Variants in COL9A1 observed in about 807,000 individuals in gnomAD.
COL9A1 encodes collagen type IX alpha 1 chain.
In COL9A1, 104 loss-of-function variants were observed where a neutral mutation model predicts 142.6. The ratio of observed to expected loss-of-function variants is 0.73; its 90% CI spans 0.62 to 0.86. The LOEUF is 0.86. Ranked by LOEUF, COL9A1 falls within the 40% of genes least tolerant of loss-of-function variation. COL9A1 has a pLI of 0.00. For missense variants in COL9A1, 1,210 were observed against 1,176.6 expected, an observed-to-expected ratio of 1.03 and a Z score of -0.42; for synonymous variants, 466 against 396.0, an observed-to-expected ratio of 1.18 and a Z score of -2.10.
intron 28 of COL9A1, among the ~76,000 whole-genome samples, chr6:70,246,519 C>G (rs1006802845): frequency 3.3e-5 from 5 of 152,248 alleles, no homozygotes; most frequent in Admixed American, 1.3e-4. Context: ...ATGTCCTCCC[C>G]CCAACCCCAT....
intron 28 of COL9A1, among the ~76,000 whole-genome samples, chr6:70,245,009 G>A (rs1348138935): frequency 6.6e-6 from 1 of 152,158 alleles, no homozygotes; most frequent in African/African-American, 2.4e-5. Flanking sequence ...CCCTGTTACT[G>A]CACAAATGGA....
At chr6:70,287,450 G>T (rs1583338158) in intron 5 of COL9A1, among the ~76,000 whole-genome samples, 1 of 152,180 alleles carries the variant, frequency 6.6e-6, no homozygotes, top group East Asian at 1.9e-4. Context: ...TGAGGCAGAA[G>T]GAGGCTACCG....
intron 14 of COL9A1, among the ~76,000 whole-genome samples, chr6:70,270,871 G>A (rs1012142536): frequency 7.2e-5 from 11 of 152,200 alleles, no homozygotes; most frequent in African/African-American, 2.7e-4. Context: ...CTTGCAATGA[G>A]TCAGAAAATC....
chr6:70,298,126 G>A (rs948127114), intron 4 of COL9A1, among the ~76,000 whole-genome samples: 1 of 152,140 alleles, frequency 6.6e-6, no homozygotes, highest in African/African-American at 2.4e-5. Flanking sequence ...GCAGGACTTG[G>A]GAGGCAGATT....
intron 17 of COL9A1, among the ~76,000 whole-genome samples, chr6:70,268,405 G>A (rs1333794000): frequency 6.6e-6 from 1 of 151,966 alleles, no homozygotes; most frequent in Non-Finnish European, 1.5e-5. Context: ...GTAGAGACAG[G>A]GGTCTCCCTC....
At chr6:70,261,773 CA>C (rs372667960) in intron 19 of COL9A1, among the ~76,000 whole-genome samples, 1 of 152,132 alleles carries the variant, frequency 6.6e-6, no homozygotes. Context: ...GTTATTTCTA[CA>C]AAAAGAAATA....
chr6:70,280,963 A>G (rs756163655), intron 9 of COL9A1, 41 bp downstream of exon 9: 1 of 1,613,354 alleles, frequency 6.2e-7, no homozygotes, highest in East Asian at 2.2e-5. Context: ...AAACACGTCT[A>G]AAGGAAGGAA....
chr6:70,272,041 A>C, intron 13 of COL9A1, 24 bp downstream of exon 13: 1 of 1,607,980 alleles, frequency 6.2e-7, no homozygotes, highest in Non-Finnish European at 8.5e-7. Flanking sequence ...ACTGCATAAA[A>C]ATAAATGATG....
At chr6:70,278,506 T>C (rs1203167266) in intron 10 of COL9A1, among the ~76,000 whole-genome samples, 1 of 152,202 alleles carries the variant, frequency 6.6e-6, no homozygotes, top group Non-Finnish European at 1.5e-5. Flanking sequence ...TAAATGCAAA[T>C]AGTATAGTTG....
At chr6:70,215,474 G>C (rs1406480949), downstream of COL9A1, 1 of 152,158 alleles carries the variant, frequency 6.6e-6, no homozygotes, top group Non-Finnish European at 1.5e-5. Flanking sequence ...ACTATGTTGA[G>C]CTATTGTTTT....
chr6:70,295,549 T>C (rs935952681), intron 4 of COL9A1, among the ~76,000 whole-genome samples: 2 of 151,958 alleles, frequency 1.3e-5, no homozygotes, highest in Admixed American at 1.3e-4. Flanking sequence ...CAGTCTCCCA[T>C]AGTGCTGGGA....
intron 18 of COL9A1, 103 bp downstream of exon 18, chr6:70,266,614 A>T: frequency 1.1e-6 from 1 of 932,566 alleles, no homozygotes; most frequent in Non-Finnish European, 1.8e-6. Context: ...AAGAATGGTA[A>T]AATATCGAGG....
chr6:70,288,622 G>A (rs1378154966), intron 5 of COL9A1, among the ~76,000 whole-genome samples: 1 of 152,072 alleles, frequency 6.6e-6, no homozygotes, highest in African/African-American at 2.4e-5. Context: ...TCTCATTCCA[G>A]CCACACTGGC....
At chr6:70,301,726 T>A (rs1774071217) in intron 2 of COL9A1, among the ~76,000 whole-genome samples, 1 of 152,200 alleles carries the variant, frequency 6.6e-6, no homozygotes, top group African/African-American at 2.4e-5. Flanking sequence ...ACCCAACATT[T>A]ACCAATCACC....
Position 70,260,649 on chromosome 6 carries a change from C to T in COL9A1, c.1449+8G>A. The T allele has an allele frequency of 6.2e-7, 1 of 1,612,756 alleles. No individual in the cohort carries two copies. Among genetic ancestry groups the T allele is most frequent in the South Asian group, 1.1e-5 (1 of 91,022 alleles). ...TTTGGTATTATATTATTGTCATCAC[C>T]ATCTTACTTTTTCCCCTTTGTCCCC... is the stretch of plus-strand genomic sequence containing the variant. On this transcript the variant is annotated splice_region_variant and intron_variant, in intron 20 of 37. Coordinates refer to ENST00000357250, the MANE Select transcript of COL9A1 (RefSeq NM_001851.6).
At position 70,282,433 on chromosome 6, in the gene COL9A1, C is replaced by T. The variant is rs116419010; in HGVS notation, c.801+465G>A. ...TGATGGAAGCCAGGGCCGCCAAGTT[C>T]CGTCCCGGAGCCGCCAGCACCGCTA... On this transcript the variant is annotated intron_variant, in intron 7 of 37. Coordinates refer to ENST00000357250, the MANE Select transcript of COL9A1 (RefSeq NM_001851.6). 6.1e-3 allele frequency among the ~76,000 whole-genome samples: 935 copies of T among 152,304 alleles called. 9 individuals carry two copies. The highest frequency in any genetic ancestry group is 0.021 in the African/African-American group (888 of 41,564).
rs192680108 is a variant in COL9A1, at chr6:70,290,894, C to T, written c.696+3273G>A. 3.2e-4 allele frequency among the ~76,000 whole-genome samples: 48 copies of T among 152,100 alleles called. 1 individual carries two copies. In the East Asian group the frequency reaches 9.1e-3, roughly 29 times the overall value. ...TTATTGTTTTTATGGTATTTTTATG[C>T]TATTTCATTTTCATTTAAAATTTCT... On this transcript the variant is annotated intron_variant, in intron 5 of 37. Transcript: ENST00000357250.
At chr6:70,257,746 C>CA (rs1771412366) in intron 20 of COL9A1, among the ~76,000 whole-genome samples, 1 of 152,068 alleles carries the variant, frequency 6.6e-6, no homozygotes, top group Non-Finnish European at 1.5e-5. Flanking sequence ...GACCCTGTCT[C>CA]AAAAACACAC....
intron 26 of COL9A1, among the ~76,000 whole-genome samples, chr6:70,252,609 A>G (rs1771015356): frequency 6.6e-6 from 1 of 152,210 alleles, no homozygotes; most frequent in Non-Finnish European, 1.5e-5. Context: ...CTTTCTTCAC[A>G]ATATTAATAA....
Sources: allele counts gnomAD v4.1 joint callset (sites outside exome capture counted in the v4.1 genomes callset), GRCh38; gene constraint gnomAD v4.1.1; transcripts MANE v1.5; gene names NCBI Gene and HGNC (gene_info 2026-07-23, HGNC 2026-07-21).